Variants in RAB11A observed in about 807,000 individuals in gnomAD.
RAB11A encodes the protein ras-related protein Rab-11A.
In RAB11A, 9 loss-of-function variants were observed where a neutral mutation model predicts 28.0. The observed-to-expected ratio is 0.32, with a 90% CI of 0.19 to 0.56. RAB11A has a LOEUF of 0.56. Among genes scored for constraint, RAB11A ranks in the 20% least tolerant of loss-of-function variants. The probability of loss-of-function intolerance (pLI) is 0.91; values close to 1 mark genes in which losing one functional copy is unlikely to be tolerated. For missense variants in RAB11A, 108 were observed against 269.6 expected (o/e 0.40, Z 4.20); for synonymous variants, 85 against 88.2 (o/e 0.96, Z 0.20).
rs550630859 is a variant in RAB11A, at chr15:65,874,115, A to C, written c.41-3217A>C. ...ACTAAATGTGGTTGAAGAGGCAGAA[A>C]TTTTCAATGGATAATTAATATGTAT... On this transcript the variant is annotated intron_variant, in intron 1 of 4. Coordinates refer to ENST00000261890, the MANE Select transcript of RAB11A (RefSeq NM_004663.5). 5.9e-5 allele frequency among the ~76,000 whole-genome samples: 9 copies of C among 152,282 alleles called. No individual in the cohort carries two copies. The South Asian group carries it at 1.9e-3, about 32-fold the overall frequency.
At chr15:65,875,330 T>G (rs1234990118) in intron 1 of RAB11A, among the ~76,000 whole-genome samples, 3 of 152,160 alleles carry the variant, frequency 2.0e-5, no homozygotes, top group Admixed American at 6.5e-5. Context: ...GGCCATTTCC[T>G]TAGCAAACAT....
rs2078289429 is a variant in RAB11A at position 65,890,912 on chromosome 15, A to G, written c.*3072A>G. On this transcript the variant is annotated 3_prime_UTR_variant, in exon 5 of 5. Transcript: ENST00000261890. ...TTTTCTGATGTCTCACAAATATCAC[A>G]TACCTGGAAAAAAATTAAAACAAAA... 2 of 152,240 alleles carry G rather than the reference A, an allele frequency of 1.3e-5. No homozygotes were observed. The highest frequency in any genetic ancestry group is 2.9e-5 in the Non-Finnish European group (2 of 68,040). The allele number at this position is 152,240 out of a possible 1,614,324, so 9.4% of individuals were successfully genotyped here.
In RAB11A at chr15:65,887,860, A is replaced by G. The variant is rs772202448; in HGVS notation, c.*20A>G. The G allele has an allele frequency of 1.9e-6, 3 of 1,595,958 alleles. No individual in the cohort carries two copies. Among genetic ancestry groups the G allele is most frequent in the Non-Finnish European group, 2.6e-6 (3 of 1,173,052 alleles). On this transcript the variant is annotated 3_prime_UTR_variant, in exon 5 of 5. Coordinates refer to ENST00000261890, the MANE Select transcript of RAB11A (RefSeq NM_004663.5). The stretch of plus-strand genomic sequence containing the variant: ...ATCTAAGGCATTTCTCTTCTCCCCT[A>G]GAAGGCTGTGTATAGTCCATTTCCC...
In RAB11A at chr15:65,884,554, T is replaced by C. The variant is rs192003280; in HGVS notation, c.512-3147T>C. 1.5e-3 allele frequency among the ~76,000 whole-genome samples: 223 copies of C among 152,280 alleles called. 1 individual carries two copies. The highest frequency in any genetic ancestry group is 5.3e-3 in the African/African-American group (219 of 41,564). ...AAGTAAATAATTAAAGAGATCTCAT[T>C]ACAAAGCAAGAAATTTGAGCAGTGT... On this transcript the variant is annotated intron_variant, in intron 4 of 4. Coordinates refer to ENST00000261890, the MANE Select transcript of RAB11A (RefSeq NM_004663.5).
At position 65,877,208 on chromosome 15, in the gene RAB11A, A is replaced by T; in HGVS notation, c.41-124A>T. 1 of 775,644 alleles carries T rather than the reference A, an allele frequency of 1.3e-6. No individual in the cohort carries two copies. The highest frequency in any genetic ancestry group is 2.0e-6 in the Non-Finnish European group (1 of 489,760). The allele number at this position is 775,644 out of a possible 1,614,324, so 48.0% of individuals were successfully genotyped here. On this transcript the variant is annotated intron_variant, in intron 1 of 4. Transcript: ENST00000261890. The surrounding 1 kb of genome is among the most constrained non-coding windows in gnomAD (Gnocchi z 4.1). ...CCCCCTACCCCCATTCCTTTTTAAA[A>T]GTCATATACCTTATTTTTCTTGCTT...
At position 65,887,817 on chromosome 15, in the gene RAB11A, G is replaced by C; in HGVS notation, c.628G>C (p.Val210Leu). Residue 210 changes from valine (V) to leucine (L), a missense_variant, in exon 5 of 5, where the codon GTG becomes CTG. Physicochemically the swap from Val to Leu is conservative, Grantham distance 32. Coordinates refer to ENST00000261890, the MANE Select transcript of RAB11A (RefSeq NM_004663.5). Reference sequence around the variant, plus strand: ...ACCAACCACTGAAAACAAGCCAAAGGTGCAGTGCTGTCAGAACATCTAAGG... The same window carrying C: ...ACCAACCACTGAAAACAAGCCAAAGCTGCAGTGCTGTCAGAACATCTAAGG... The part of the protein sequence containing the change: ...VPPTTENKPK[V>L]QCCQNI 1 of 1,612,150 alleles carries C rather than the reference G, an allele frequency of 6.2e-7. No individual in the cohort carries two copies.
intron 4 of RAB11A, among the ~76,000 whole-genome samples, chr15:65,881,319 G>C (rs1792062877): frequency 6.6e-6 from 1 of 152,108 alleles, no homozygotes; most frequent in South Asian, 2.1e-4. Context: ...TAGAGTACTA[G>C]ATTGAGACCC....
At chr15:65,882,850 TTTTTA>T (rs2078231288) in intron 4 of RAB11A, among the ~76,000 whole-genome samples, 1 of 152,218 alleles carries the variant, frequency 6.6e-6, no homozygotes, top group Non-Finnish European at 1.5e-5. Flanking sequence ...ACCTTTTACT[TTTTTA>T]TTTTAACTTT....
At chr15:65,881,540 C>T (rs1002011821) in intron 4 of RAB11A, among the ~76,000 whole-genome samples, 2 of 152,176 alleles carry the variant, frequency 1.3e-5, no homozygotes, top group African/African-American at 4.8e-5. Flanking sequence ...TATGTTCCAT[C>T]AAATCTCCTC....
intron 4 of RAB11A, among the ~76,000 whole-genome samples, chr15:65,885,206 A>G (rs944406592): frequency 1.5e-4 from 23 of 149,524 alleles, no homozygotes; most frequent in African/African-American, 4.7e-4. Context: ...TCTCACTACA[A>G]CCTCCCCTCC....
intron 1 of RAB11A, chr15:65,869,995 C>G: frequency 5.1e-6 from 1 of 194,532 alleles, no homozygotes; most frequent in Non-Finnish European, 1.0e-5. Context: ...TCGGCGTACA[C>G]CCTTCCCAGC....
At chr15:65,870,016 T>G in intron 1 of RAB11A, 1 of 177,424 alleles carries the variant, frequency 5.6e-6, no homozygotes, top group Non-Finnish European at 1.2e-5. Context: ...TCGCGTCCTC[T>G]CCCGAAGCCC....
Position 65,876,112 on chromosome 15 carries a change from A to G in RAB11A, c.41-1220A>G, listed in dbSNP as rs1380665066. Among the ~76,000 whole-genome samples, 12 of 152,292 alleles carry G rather than the reference A, an allele frequency of 7.9e-5. No homozygotes were observed. The South Asian group carries it at 1.4e-3, about 18-fold the overall frequency. On this transcript the variant is annotated intron_variant, in intron 1 of 4. Coordinates refer to ENST00000261890, the MANE Select transcript of RAB11A (RefSeq NM_004663.5). ...AAACAACTTAACTGCCTGTTTCTCC[A>G]TTGTTTTTGAAATTCTTAAGCGTAA...
intron 4 of RAB11A, among the ~76,000 whole-genome samples, chr15:65,882,181 C>G (rs966902937): frequency 2.0e-5 from 3 of 152,228 alleles, no homozygotes; most frequent in African/African-American, 4.8e-5. Context: ...CTTTTCCTTT[C>G]TATATTCACT....
chr15:65,879,585 C>T (rs1191752908), intron 3 of RAB11A, 86 bp from the exon 4 acceptor site: 1 of 1,015,172 alleles, frequency 9.9e-7, no homozygotes, highest in African/African-American at 1.7e-5. Context: ...TTAAAAAGTT[C>T]TGTTATTTTT....
At chr15:65,872,209 C>T (rs1482624514) in intron 1 of RAB11A, among the ~76,000 whole-genome samples, 1 of 152,074 alleles carries the variant, frequency 6.6e-6, no homozygotes, top group Admixed American at 6.5e-5. Context: ...CTTCCTCAGC[C>T]TCCCCAAGTG....
intron 1 of RAB11A, among the ~76,000 whole-genome samples, chr15:65,876,126 T>G (rs1327359516): frequency 6.6e-6 from 1 of 152,184 alleles, no homozygotes; most frequent in Non-Finnish European, 1.5e-5. Flanking sequence ...TTTTTGAAAT[T>G]CTTAAGCGTA....
intron 1 of RAB11A, among the ~76,000 whole-genome samples, chr15:65,871,211 C>T (rs979492168): frequency 6.6e-6 from 1 of 152,160 alleles, no homozygotes; most frequent in Non-Finnish European, 1.5e-5. Context: ...AACTAGTCTG[C>T]TGTTATACTC....
Position 65,890,734 on chromosome 15 carries a change from A to G in RAB11A, c.*2894A>G, listed in dbSNP as rs2078287762. 2.0e-5 allele frequency: 3 copies of G among 152,204 alleles called. No individual in the cohort carries two copies. Among genetic ancestry groups the G allele is most frequent in the Admixed American group, 1.3e-4 (2 of 15,278 alleles). The allele number at this position is 152,204 out of a possible 1,614,324, so 9.4% of individuals were successfully genotyped here. ...GCTGTTGTGATAATCTCTTCCATCT[A>G]CCTTAGAGAAGAAGCTGTACTATTT... On this transcript the variant is annotated 3_prime_UTR_variant, in exon 5 of 5. Transcript: ENST00000261890.
Sources: gnomAD v4.1 joint callset for allele counts (sites outside exome capture counted in the v4.1 genomes callset) on GRCh38, gnomAD v4.1.1 for gene constraint, Gnocchi (gnomAD v3.1) non-coding constraint, MANE v1.5 for transcripts, NCBI Gene and HGNC (gene_info 2026-07-23, HGNC 2026-07-21) for gene names.